MYO1B: variants seen among roughly 807,000 people sequenced by gnomAD.
The protein encoded by MYO1B is myosin IB, also known as unconventional myosin-Ib.
MYO1B carries 72 observed loss-of-function variants against 159.7 expected under a neutral mutation model. That is an observed-to-expected ratio of 0.45 (90% CI 0.37 to 0.55). The LOEUF (loss-of-function observed/expected upper bound fraction) is 0.55, where lower values mean the gene tolerates loss of function less well. Ranked by LOEUF, MYO1B falls within the 20% of genes least tolerant of loss-of-function variation. The pLI is 0.00. For missense variants in MYO1B, 1,062 were observed against 1,364.8 expected (o/e 0.78, Z 3.50); for synonymous variants, 468 against 473.8 (o/e 0.99, Z 0.16).
chr2:191,292,650 A>G (rs959146358), intron 2 of MYO1B, among the ~76,000 whole-genome samples: 5 of 151,246 alleles, frequency 3.3e-5, no homozygotes, highest in Admixed American at 2.0e-4. Flanking sequence ...ATAATGAGGC[A>G]TGTTCGACCC....
chr2:191,247,245 T>A (rs186632800), intron 1 of MYO1B, among the ~76,000 whole-genome samples: 1 of 152,326 alleles, frequency 6.6e-6, no homozygotes, highest in East Asian at 1.9e-4. Context: ...CAGACAGGGC[T>A]GGGAAGTGGC....
At chr2:191,252,768 A>T (rs1198344300) in intron 1 of MYO1B, among the ~76,000 whole-genome samples, 1 of 152,174 alleles carries the variant, frequency 6.6e-6, no homozygotes, top group Non-Finnish European at 1.5e-5. Context: ...CGAAATCTAA[A>T]TTTATTACCT....
chr2:191,321,806 T>A (rs1690736035), intron 3 of MYO1B, among the ~76,000 whole-genome samples: 2 of 152,116 alleles, frequency 1.3e-5, no homozygotes, highest in African/African-American at 4.8e-5. Flanking sequence ...CCTACCCCCT[T>A]TTTATGGGGG....
chr2:191,398,375 AGGAGCCCCT>A (rs1696319457), intron 21 of MYO1B, among the ~76,000 whole-genome samples: 1 of 110,608 alleles, frequency 9.0e-6, no homozygotes, highest in Non-Finnish European at 2.1e-5. Context: ...GGCTGGGCAG[AGGAGCCCCT>A]CACCTCCCGG....
intron 2 of MYO1B, among the ~76,000 whole-genome samples, chr2:191,278,918 T>C (rs1380036566): frequency 6.6e-6 from 1 of 152,236 alleles, no homozygotes; most frequent in East Asian, 1.9e-4. Context: ...TTTTTGGCTC[T>C]GAGAAGCACA....
chr2:191,419,274 A>G (rs1306287100), intron 30 of MYO1B, among the ~76,000 whole-genome samples: 1 of 151,844 alleles, frequency 6.6e-6, no homozygotes, highest in Non-Finnish European at 1.5e-5. Flanking sequence ...GCTGGAGTGC[A>G]GTGGCGTGAT....
At chr2:191,280,948 A>G (rs2125758435) in intron 2 of MYO1B, among the ~76,000 whole-genome samples, 1 of 152,320 alleles carries the variant, frequency 6.6e-6, no homozygotes, top group South Asian at 2.1e-4. Flanking sequence ...TCTGCTGGTG[A>G]ACTTCTAATG....
intron 13 of MYO1B, among the ~76,000 whole-genome samples, chr2:191,370,549 G>A (rs1694299417): frequency 6.6e-6 from 1 of 152,066 alleles, no homozygotes; most frequent in South Asian, 2.1e-4. Flanking sequence ...CTGAGAGCCA[G>A]CATTTTGGAG....
At chr2:191,415,609 T>G (rs74463063) in intron 29 of MYO1B, among the ~76,000 whole-genome samples, 1,630 of 152,266 alleles carry the variant, frequency 0.011, 62 homozygotes, top group Admixed American at 0.077. Flanking sequence ...GTTTTGTTTT[T>G]TTTTTGAATA....
intron 30 of MYO1B, among the ~76,000 whole-genome samples, chr2:191,416,687 G>A (rs755362032): frequency 2.0e-5 from 3 of 152,058 alleles, no homozygotes; most frequent in East Asian, 1.9e-4. Flanking sequence ...GGTGGCGGGC[G>A]CATGTAATCC....
In MYO1B at chr2:191,312,376, G is replaced by T. The variant is rs1237603071; in HGVS notation, c.251+16150G>T. Among the ~76,000 whole-genome samples, 4 of 152,266 alleles carry T rather than the reference G, an allele frequency of 2.6e-5. No homozygotes were observed. The East Asian group carries it at 7.7e-4, about 29-fold the overall frequency. Reference sequence around the variant, plus strand: ...ATTCAAATCCTGCTCATCTTTTGCGGTATATGGGAAACCACCTCCATTCTG... The same window carrying T: ...ATTCAAATCCTGCTCATCTTTTGCGTTATATGGGAAACCACCTCCATTCTG... On this transcript the variant is annotated intron_variant, in intron 3 of 30. Transcript: ENST00000392318.
In MYO1B at chr2:191,385,907, G is replaced by T. The variant is rs1238255440; in HGVS notation, c.1377G>T (p.Met459Ile). Reference protein sequence around the residue: ...IENNTNGILAMLDEECLRPGT... With the variant: ...IENNTNGILAILDEECLRPGT... Reference sequence around the variant, plus strand: ...AGAACACAAATGGAATCCTGGCCATGCTGGATGAAGAGTGCCTCAGACCTG... The same window carrying T: ...AGAACACAAATGGAATCCTGGCCATTCTGGATGAAGAGTGCCTCAGACCTG... Residue 459 changes from methionine to isoleucine, a missense_variant, in exon 16 of 31, where the codon ATG becomes ATT. Met to Ile is a conservative substitution (Grantham distance 10). Transcript: ENST00000392318. 1 of 1,614,042 alleles carries T rather than the reference G, an allele frequency of 6.2e-7. No homozygotes were observed. Among genetic ancestry groups the T allele is most frequent in the Non-Finnish European group, 8.5e-7 (1 of 1,180,006 alleles).
At chr2:191,342,655 T>G (rs2125957159) in intron 5 of MYO1B, among the ~76,000 whole-genome samples, 1 of 152,280 alleles carries the variant, frequency 6.6e-6, no homozygotes, top group Admixed American at 6.5e-5. Context: ...GAGACCAGCC[T>G]TGCCAACGTG....
At chr2:191,363,378 T>C (rs1187918251) in intron 9 of MYO1B, among the ~76,000 whole-genome samples, 3 of 152,182 alleles carry the variant, frequency 2.0e-5, no homozygotes, top group Non-Finnish European at 4.4e-5. Flanking sequence ...GGAGCTTTTC[T>C]TTGTATGGAG....
intron 2 of MYO1B, among the ~76,000 whole-genome samples, chr2:191,284,826 G>A (rs780767859): frequency 1.4e-4 from 21 of 152,068 alleles, no homozygotes; most frequent in African/African-American, 4.3e-4. Context: ...TACAAACAGC[G>A]TTTCACCATT....
chr2:191,316,745 G>C (rs972323988), intron 3 of MYO1B, among the ~76,000 whole-genome samples: 2 of 152,190 alleles, frequency 1.3e-5, no homozygotes, highest in Admixed American at 1.3e-4. Flanking sequence ...GCTCCAGTGA[G>C]GGTCCTCTGG....
chr2:191,375,030 A>G (rs1694612437), intron 13 of MYO1B, among the ~76,000 whole-genome samples: 1 of 152,194 alleles, frequency 6.6e-6, no homozygotes, highest in African/African-American at 2.4e-5. Flanking sequence ...GGAAAATCTG[A>G]TTGGTCATTA....
At chr2:191,371,680 C>T (rs1443915800) in intron 13 of MYO1B, among the ~76,000 whole-genome samples, 1 of 152,156 alleles carries the variant, frequency 6.6e-6, no homozygotes, top group Admixed American at 6.5e-5. Context: ...CCTCACCTTT[C>T]TTCCCAAAGT....
At chr2:191,364,591 A>C (rs1272661040) in intron 11 of MYO1B, among the ~76,000 whole-genome samples, 1 of 152,162 alleles carries the variant, frequency 6.6e-6, no homozygotes, top group Non-Finnish European at 1.5e-5. Context: ...AGGGAAGGAG[A>C]CTCAAGTGAG....
Sources: allele counts gnomAD v4.1 joint callset (sites outside exome capture counted in the v4.1 genomes callset), GRCh38; gene constraint gnomAD v4.1.1; transcripts MANE v1.5; gene names NCBI Gene and HGNC (gene_info 2026-07-23, HGNC 2026-07-21).